The following VILL variants were observed in gnomAD, a reference collection of about 807,000 sequenced individuals.
The protein encoded by VILL is villin like, also known as villin-like protein.
A neutral mutation model predicts 106.3 loss-of-function variants in VILL; 102 were observed. The ratio of observed to expected loss-of-function variants is 0.96; its 90% confidence interval spans 0.82 to 1.13. VILL has a LOEUF of 1.13. VILL is among the 50% of genes most tolerant of loss of function. The pLI is 0.00. For missense variants in VILL, 1,076 were observed against 1,116.6 expected (o/e 0.96, Z 0.52); for synonymous variants, 431 against 440.3 (o/e 0.98, Z 0.27).
intron 3 of VILL, 34 bp from the exon 4 acceptor site, chr3:37,994,227 C>G (rs1210698019): frequency 1.3e-5 from 21 of 1,575,772 alleles, no homozygotes; most frequent in Non-Finnish European, 1.7e-5. Flanking sequence ...TCCGTCTTCC[C>G]CGCAACACAT....
intron 1 of VILL, 107 bp from the exon 2 acceptor site, chr3:37,993,480 T>A (rs1037421844): frequency 1.7e-6 from 1 of 604,820 alleles, no homozygotes; most frequent in Non-Finnish European, 2.9e-6. Flanking sequence ...CCCACTCATA[T>A]CAGCTGAGCC....
In VILL at chr3:38,007,012, C is replaced by T. The variant is rs140326700; in HGVS notation, c.2528C>T (p.Thr843Met). The T allele has an allele frequency of 3.2e-5, 51 of 1,614,124 alleles. No homozygotes were observed. In the African/African-American group the frequency reaches 4.9e-4, roughly 16 times the overall value. ...KSKEEFYSMA[T>M]WRQRQEKKQL... is the part of the protein sequence containing the mutation. ...AAGGAGGAATTCTACAGCATGGCCA[C>T]GTGGAGGCAGCGGCAGGAGAAAAAG... Residue 843 changes from threonine (T) to methionine (M), a missense_variant, in exon 20 of 20, where the codon ACG (threonine) becomes ATG (methionine). Coordinates refer to ENST00000383759, the MANE Select transcript of VILL (RefSeq NM_015873.4).
intron 11 of VILL, chr3:38,001,255 C>T (rs978174148): frequency 1.7e-5 from 13 of 761,868 alleles, no homozygotes; most frequent in South Asian, 7.4e-5. Context: ...TTCAGGGGTC[C>T]GTGGGGAAAG....
At chr3:38,001,360 C>T (rs1303144852) in intron 11 of VILL, 96 bp from the exon 12 acceptor site, 7 of 1,559,998 alleles carry the variant, frequency 4.5e-6, no homozygotes, top group Non-Finnish European at 6.1e-6. Context: ...TGAGGAAGGC[C>T]TCAGAGGCTG....
chr3:38,006,295 T>C, intron 18 of VILL, 43 bp downstream of exon 18: 1 of 1,613,774 alleles, frequency 6.2e-7, no homozygotes, highest in Non-Finnish European at 8.5e-7. Context: ...TGGCCTGGGC[T>C]CCGACAGCAT....
intron 2 of VILL, 54 bp from the exon 3 acceptor site, chr3:37,993,844 G>C: frequency 6.2e-7 from 1 of 1,609,504 alleles, no homozygotes; most frequent in Non-Finnish European, 8.5e-7. Context: ...CCACCCCAGC[G>C]GGTGTCATGG....
intron 14 of VILL, 111 bp downstream of exon 14, chr3:38,002,686 A>T: frequency 3.3e-6 from 4 of 1,219,014 alleles, no homozygotes; most frequent in South Asian, 1.5e-5. Context: ...AGATAGGCCG[A>T]TGGGGGGAAT....
In VILL at chr3:38,003,325, G is replaced by A. The variant is rs772975894; in HGVS notation, c.1805+12G>A. The A allele has an allele frequency of 1.9e-6, 3 of 1,597,296 alleles. No individual in the cohort carries two copies. The East Asian group carries it at 6.7e-5, about 36-fold the overall frequency. On this transcript the variant is annotated intron_variant, in intron 15 of 19. Transcript: ENST00000383759. Reference sequence around the variant, plus strand: ...CCCAGCAACAAGAGGTAACAGGGTTGGGAGGAGAGTGTTCTTACCCAGAGG... The same window carrying A: ...CCCAGCAACAAGAGGTAACAGGGTTAGGAGGAGAGTGTTCTTACCCAGAGG...
intron 16 of VILL, 85 bp from the exon 17 acceptor site, chr3:38,005,707 A>T: frequency 2.1e-6 from 3 of 1,452,090 alleles, no homozygotes; most frequent in Middle Eastern, 2.6e-4. Flanking sequence ...TCTGTCTGGG[A>T]CAACTGGACA....
chr3:38,002,983 C>G (rs765528326), intron 14 of VILL, 185 bp from the exon 15 acceptor site: 1 of 763,882 alleles, frequency 1.3e-6, no homozygotes, highest in African/African-American at 1.8e-5. Flanking sequence ...CCCTGCGATC[C>G]AGATCAACTG....
Position 37,997,899 on chromosome 3 carries a change from G to A in VILL, c.765-191G>A, listed in dbSNP as rs73060815. Among the ~76,000 whole-genome samples, 7,069 of 152,272 alleles carry A rather than the reference G, an allele frequency of 0.046. 175 individuals are homozygous for A. Among genetic ancestry groups the A allele is most frequent in the African/African-American group, 0.063 (2,610 of 41,544 alleles). On this transcript the variant is annotated intron_variant, in intron 7 of 19. Coordinates refer to ENST00000383759, the MANE Select transcript of VILL (RefSeq NM_015873.4). This position sits in a 1 kb window ranked among gnomAD's most constrained non-coding sequence, Gnocchi z 4.7. ...ATTGTACATACAGGGGGACTGTGGC[G>A]CCCTGCCAGGGCCAGGGAGCTGCCT...
chr3:38,002,350 C>A, intron 13 of VILL, 46 bp from the exon 14 acceptor site: 1 of 1,538,278 alleles, frequency 6.5e-7, no homozygotes, highest in Non-Finnish European at 8.8e-7. Flanking sequence ...GACAGGAAGG[C>A]GCCCCTGGGA....
chr3:38,002,342 C>T (rs569613700), intron 13 of VILL, 54 bp from the exon 14 acceptor site: 1 of 1,526,282 alleles, frequency 6.6e-7, no homozygotes, highest in Non-Finnish European at 8.8e-7. Context: ...CACACTGGGA[C>T]AGGAAGGCGC....
chr3:38,002,327 T>C, intron 13 of VILL, 69 bp from the exon 14 acceptor site: 1 of 1,463,348 alleles, frequency 6.8e-7, no homozygotes, highest in East Asian at 2.3e-5. Flanking sequence ...TGAGGCAATA[T>C]GTCCCACACT....
chr3:38,003,260 T>A lies in VILL; in HGVS notation c.1752T>A (p.Pro584=). 4 of 1,613,552 alleles carry A rather than the reference T, an allele frequency of 2.5e-6. No individual in the cohort carries two copies. Among genetic ancestry groups the A allele is most frequent in the Non-Finnish European group, 3.4e-6 (4 of 1,179,808 alleles). The stretch of plus-strand genomic sequence containing the variant: ...AAACGGTGCTGGAGGGTCAGGAGCC[T>A]CCCCACTTCTGGGAGGCCCTGGGAG... ...NEETVLEGQE[P]PHFWEALGGR... The change falls in exon 15 of 20, where the codon CCT becomes CCA. Residue 584 remains proline, a synonymous_variant. Coordinates refer to ENST00000383759, the MANE Select transcript of VILL (RefSeq NM_015873.4).
chr3:38,005,504 G>A (rs1310798329), intron 16 of VILL, among the ~76,000 whole-genome samples: 2 of 152,186 alleles, frequency 1.3e-5, no homozygotes, highest in East Asian at 3.8e-4. Context: ...CCAATGCCCG[G>A]CACACAGTAG....
In VILL at chr3:37,997,817, G is replaced by A. The variant is rs1159535294; in HGVS notation, c.764+132G>A. On this transcript the variant is annotated intron_variant, in intron 7 of 19. Transcript: ENST00000383759. The surrounding 1 kb of genome is among the most constrained non-coding windows in gnomAD (Gnocchi z 4.7). ...CTGGGTTTCTGGGACAGGTCATGTG[G>A]ACCGTGGGTCCAGCCTGTACTCTTC... 3.8e-6 allele frequency: 4 copies of A among 1,061,614 alleles called. No homozygotes were observed. The East Asian group carries it at 7.8e-5, about 21-fold the overall frequency. The allele number at this position is 1,061,614 out of a possible 1,614,324, so 65.8% of individuals were successfully genotyped here. A position where few individuals can be genotyped will look rare whatever the true frequency, so the allele number is the denominator to read the frequency against.
intron 1 of VILL, among the ~76,000 whole-genome samples, chr3:37,991,800 T>TG (rs1339738220): frequency 2.7e-5 from 4 of 150,236 alleles, no homozygotes; most frequent in Non-Finnish European, 5.9e-5. Flanking sequence ...GGGGGCACTG[T>TG]GGGGGGTTCC....
chr3:37,994,380 C>T lies in VILL; in HGVS notation c.255C>T (p.Asp85=). 1.2e-6 allele frequency: 2 copies of T among 1,612,424 alleles called. No homozygotes were observed. The highest frequency in any genetic ancestry group is 1.7e-6 in the Non-Finnish European group (2 of 1,179,800). The change falls in exon 4 of 20, where the codon GAC becomes GAT. Residue 85 remains aspartate, a synonymous_variant. Transcript: ENST00000383759. The part of the protein sequence containing the change: ...AAEAFQQRLQ[D]ELGGQTVLHR... Reference sequence around the variant, plus strand: ...AGGCCTTCCAGCAGCGCCTACAGGACGAGCTGGGGGGCCAGACCGTGCTGC... The same window carrying T: ...AGGCCTTCCAGCAGCGCCTACAGGATGAGCTGGGGGGCCAGACCGTGCTGC...
Sources: gnomAD v4.1 joint callset for allele counts (sites outside exome capture counted in the v4.1 genomes callset) on GRCh38, gnomAD v4.1.1 for gene constraint, Gnocchi (gnomAD v3.1) non-coding constraint, MANE v1.5 for transcripts, NCBI Gene and HGNC (gene_info 2026-07-23, HGNC 2026-07-21) for gene names.